Variants in RAD54B observed in about 807,000 individuals in gnomAD.
The protein encoded by RAD54B is RAD54 homolog B.
Under a neutral mutation model 95.8 loss-of-function variants are expected in RAD54B, and 78 were observed. That is an observed-to-expected ratio of 0.81 (90% confidence interval 0.68 to 0.98). The LOEUF is 0.98. Ranked by LOEUF, RAD54B falls within the 50% of genes least tolerant of loss-of-function variation. The pLI, the probability that RAD54B is intolerant of heterozygous loss-of-function variation, is 0.00. For synonymous variants in RAD54B, 328 were observed against 354.9 expected (o/e 0.92, Z 0.85); for missense variants, 957 against 1,056.6 (o/e 0.91, Z 1.31).
intron 14 of RAD54B, among the ~76,000 whole-genome samples, chr8:94,376,325 G>GA (rs1810570773): frequency 6.6e-6 from 1 of 151,980 alleles, no homozygotes; most frequent in Admixed American, 6.5e-5. Context: ...AAATCATAAT[G>GA]AAAAAACAAA....
chr8:94,386,340 A>G (rs1036598729), intron 11 of RAD54B, among the ~76,000 whole-genome samples: 17 of 152,224 alleles, frequency 1.1e-4, no homozygotes, highest in African/African-American at 4.1e-4. Flanking sequence ...GATGAGGCTT[A>G]CAATAACAAA....
At chr8:94,432,638 C>T in intron 3 of RAD54B, 1 of 1,537,000 alleles carries the variant, frequency 6.5e-7, no homozygotes. Flanking sequence ...CAGCCTGTGC[C>T]TCCTCATCCA....
chr8:94,422,587 C>CAAAAAAAAA (rs60701725), intron 3 of RAD54B, among the ~76,000 whole-genome samples: 1 of 14,296 alleles, frequency 7.0e-5, no homozygotes, highest in Non-Finnish European at 1.6e-4. Flanking sequence ...GACTTCGTCT[C>CAAAAAAAAA]AAAAAAAAAA....
intron 3 of RAD54B, chr8:94,436,796 A>G: frequency 1.3e-6 from 2 of 1,549,862 alleles, no homozygotes; most frequent in Non-Finnish European, 8.7e-7. Flanking sequence ...ATTTTCACAT[A>G]TGGCTTCACA....
At chr8:94,436,999 G>C (rs574650245) in intron 3 of RAD54B, 2 of 1,395,014 alleles carry the variant, frequency 1.4e-6, no homozygotes, top group Middle Eastern at 2.7e-4. Context: ...GCCTACAGGG[G>C]AGGGTTTATT....
intron 3 of RAD54B, among the ~76,000 whole-genome samples, chr8:94,447,687 A>G (rs1189435487): frequency 1.3e-5 from 2 of 152,242 alleles, no homozygotes; most frequent in African/African-American, 4.8e-5. Context: ...GTGGTCAGCA[A>G]TAGCACAAAG....
chr8:94,442,507 G>A (rs1436819595), intron 3 of RAD54B, among the ~76,000 whole-genome samples: 4 of 151,326 alleles, frequency 2.6e-5, no homozygotes, highest in South Asian at 2.1e-4. Flanking sequence ...CCCGGGAGGC[G>A]GAGCTTGCAG....
chr8:94,430,965 T>C lies in RAD54B; in HGVS notation c.305-19650A>G, dbSNP rs546077321. The C allele has an allele frequency of 1.4e-5, 14 of 985,404 alleles. No homozygotes were observed. The South Asian group carries it at 4.2e-4, about 30-fold the overall frequency. The allele number at this position is 985,404 out of a possible 1,614,324, so 61.0% of individuals were successfully genotyped here. A position where few individuals can be genotyped will look rare whatever the true frequency, so the allele number is the denominator to read the frequency against. ...CAATCCACTTTTTCCCATTCTTTTG[T>C]CTTTTTTCCAGCGTCTCACTCTTGA... On this transcript the variant is annotated intron_variant, in intron 3 of 14. Transcript: ENST00000336148.
chr8:94,372,010 C>CA lies in RAD54B; in HGVS notation c.*159dup, dbSNP rs1810451695. The stretch of plus-strand genomic sequence containing the variant: ...TTTTCATTTAAACACTTAATATTTA[C>CA]AAAACATTAAACCACTCAATTTTGA... On this transcript the variant is annotated 3_prime_UTR_variant, in exon 15 of 15. Coordinates refer to ENST00000336148, the MANE Select transcript of RAD54B (RefSeq NM_012415.3). 1 of 1,225,974 alleles carries CA rather than the reference C, an allele frequency of 8.2e-7. No individual in the cohort carries two copies. The highest frequency in any genetic ancestry group is 1.6e-5 in the African/African-American group (1 of 64,470). The allele number at this position is 1,225,974 out of a possible 1,614,324, so 75.9% of individuals were successfully genotyped here.
chr8:94,425,842 A>C (rs1428204141), intron 3 of RAD54B, among the ~76,000 whole-genome samples: 1 of 152,022 alleles, frequency 6.6e-6, no homozygotes, highest in African/African-American at 2.4e-5. Flanking sequence ...AGTAAACTAC[A>C]ATATTCCCAG....
At chr8:94,434,230 G>T (rs1024893760) in intron 3 of RAD54B, among the ~76,000 whole-genome samples, 7 of 151,954 alleles carry the variant, frequency 4.6e-5, no homozygotes, top group African/African-American at 1.7e-4. Context: ...ATGTAAAATA[G>T]AGAGTATAAA....
intron 11 of RAD54B, among the ~76,000 whole-genome samples, chr8:94,381,127 TAA>T (rs35744651): frequency 2.0e-5 from 3 of 150,296 alleles, no homozygotes; most frequent in Non-Finnish European, 3.0e-5. Flanking sequence ...CCCTGTCTTT[TAA>T]AAAAAAAAAT....
intron 1 of RAD54B, among the ~76,000 whole-genome samples, chr8:94,469,656 C>G (rs866399094): frequency 2.6e-5 from 4 of 152,248 alleles, no homozygotes; most frequent in South Asian, 4.1e-4. Flanking sequence ...TTGCCTTTTT[C>G]CTATTCCACT....
At chr8:94,394,334 A>G (rs1811094108) in intron 8 of RAD54B, among the ~76,000 whole-genome samples, 2 of 152,206 alleles carry the variant, frequency 1.3e-5, no homozygotes, top group South Asian at 2.1e-4. Flanking sequence ...TAAATGTTCT[A>G]TAACTTTAGT....
intron 11 of RAD54B, among the ~76,000 whole-genome samples, chr8:94,382,113 CAA>C (rs537712504): frequency 1.5e-4 from 16 of 106,746 alleles, no homozygotes; most frequent in African/African-American, 1.8e-4. Flanking sequence ...GACTCCCTCT[CAA>C]AAAAAAAAAA....
At chr8:94,401,219 A>G (rs1811262189) in intron 6 of RAD54B, among the ~76,000 whole-genome samples, 1 of 152,166 alleles carries the variant, frequency 6.6e-6, no homozygotes, top group Non-Finnish European at 1.5e-5. Flanking sequence ...GTCCACTTAT[A>G]TATGGGTTTT....
intron 11 of RAD54B, among the ~76,000 whole-genome samples, chr8:94,384,937 C>T (rs373355110): frequency 1.4e-4 from 22 of 152,212 alleles, no homozygotes; most frequent in African/African-American, 5.1e-4. Flanking sequence ...AACACCGTCT[C>T]TACAAAAATA....
At chr8:94,455,285 A>T (rs1812754534) in intron 3 of RAD54B, among the ~76,000 whole-genome samples, 1 of 152,160 alleles carries the variant, frequency 6.6e-6, no homozygotes, top group Non-Finnish European at 1.5e-5. Context: ...TCCCTGAAGC[A>T]CTCTGAAGCC....
intron 3 of RAD54B, among the ~76,000 whole-genome samples, chr8:94,445,430 C>T (rs1457370684): frequency 1.3e-5 from 2 of 152,122 alleles, no homozygotes; most frequent in Admixed American, 6.5e-5. Flanking sequence ...GCTCCCCTTC[C>T]GTACTCCCTC....
Sources: gnomAD v4.1 joint callset for allele counts (sites outside exome capture counted in the v4.1 genomes callset) on GRCh38, gnomAD v4.1.1 for gene constraint, MANE v1.5 for transcripts, NCBI Gene and HGNC (gene_info 2026-07-23, HGNC 2026-07-21) for gene names.